The following CHCHD3 variants were observed in gnomAD, a reference collection of about 807,000 sequenced individuals.
CHCHD3 encodes the protein MICOS complex subunit MIC19.
A neutral mutation model predicts 38.2 loss-of-function variants in CHCHD3; 20 were observed. That is an observed-to-expected ratio of 0.52 (90% CI 0.37 to 0.76). CHCHD3 has a LOEUF of 0.76. CHCHD3 is among the 30% of genes least tolerant of loss of function. CHCHD3 has a pLI of 0.00. For synonymous variants in CHCHD3, 82 were observed against 100.0 expected (o/e 0.82, Z 1.07); for missense variants, 245 against 279.2 (o/e 0.88, Z 0.87).
chr7:132,963,917 T>C (rs1340032008), intron 4 of CHCHD3, among the ~76,000 whole-genome samples: 1 of 152,174 alleles, frequency 6.6e-6, no homozygotes, highest in East Asian at 1.9e-4. Flanking sequence ...GAAAAATACA[T>C]TAACAATTAT....
Position 133,035,581 on chromosome 7 carries a change from C to A in CHCHD3, c.170-10954G>T, listed in dbSNP as rs751702936. ...TGCATGATGCCCAAGGTGGGGAACA[C>A]CCAGGTACTGGCTGGGGGCACTATA... On this transcript the variant is annotated intron_variant, in intron 2 of 7. Coordinates refer to ENST00000262570, the MANE Select transcript of CHCHD3 (RefSeq NM_017812.4). This position sits in a 1 kb window ranked among gnomAD's most constrained non-coding sequence, Gnocchi z 4.7. The A allele has an allele frequency of 1.4e-5, 22 of 1,613,288 alleles. No individual in the cohort carries two copies. The highest frequency in any genetic ancestry group is 1.8e-5 in the Non-Finnish European group (21 of 1,179,444).
intron 3 of CHCHD3, among the ~76,000 whole-genome samples, chr7:133,002,756 C>A (rs1812606120): frequency 6.6e-6 from 1 of 151,908 alleles, no homozygotes; most frequent in Non-Finnish European, 1.5e-5. Context: ...TCTATAGAAC[C>A]CTTACTAAAA....
intron 6 of CHCHD3, among the ~76,000 whole-genome samples, chr7:132,832,169 T>C (rs1007104979): frequency 4.6e-5 from 7 of 152,236 alleles, no homozygotes; most frequent in African/African-American, 1.7e-4. Flanking sequence ...GTATGAGTTC[T>C]GCATAGTATT....
At chr7:132,811,975 C>T (rs894992988) in intron 6 of CHCHD3, among the ~76,000 whole-genome samples, 1 of 152,068 alleles carries the variant, frequency 6.6e-6, no homozygotes, top group Non-Finnish European at 1.5e-5. Context: ...TTGCTATTTA[C>T]GTGGAAGGCA....
intron 2 of CHCHD3, among the ~76,000 whole-genome samples, chr7:133,040,363 T>C (rs1370267628): frequency 6.6e-6 from 1 of 152,156 alleles, no homozygotes; most frequent in East Asian, 1.9e-4. Flanking sequence ...CAGAAGGGGC[T>C]AGCTGACCTT....
intron 4 of CHCHD3, among the ~76,000 whole-genome samples, chr7:132,935,537 ATATC>A (rs1488313045): frequency 6.6e-5 from 10 of 152,198 alleles, no homozygotes; most frequent in Non-Finnish European, 1.5e-4. Context: ...ATTTTTGTAA[ATATC>A]CATCTATACC....
At chr7:132,978,847 T>C (rs1007833941) in intron 3 of CHCHD3, among the ~76,000 whole-genome samples, 2 of 152,222 alleles carry the variant, frequency 1.3e-5, no homozygotes, top group African/African-American at 4.8e-5. Context: ...ATTATTTTCC[T>C]TTCTTAATAA....
intron 2 of CHCHD3, among the ~76,000 whole-genome samples, chr7:133,068,333 C>T (rs79812142): frequency 0.026 from 3,956 of 152,182 alleles, 176 homozygotes; most frequent in African/African-American, 0.09. Context: ...TGTGAACAAA[C>T]AAATGAGGAA....
chr7:132,985,573 G>A (rs1812087014), intron 3 of CHCHD3, among the ~76,000 whole-genome samples: 1 of 84,820 alleles, frequency 1.2e-5, no homozygotes, highest in Non-Finnish European at 2.4e-5. Context: ...CCCCCCTCCC[G>A]GCCAGCCGCC....
chr7:133,038,041 C>CATT (rs1813728386), intron 2 of CHCHD3, among the ~76,000 whole-genome samples: 1 of 152,118 alleles, frequency 6.6e-6, no homozygotes, highest in Non-Finnish European at 1.5e-5. Flanking sequence ...CAATCATGAA[C>CATT]ATTACATAGT....
At chr7:132,843,163 G>A (rs62467024) in intron 5 of CHCHD3, among the ~76,000 whole-genome samples, 33,083 of 152,024 alleles carry the variant, frequency 0.22, 3,853 homozygotes, top group South Asian at 0.26. Flanking sequence ...TCAGCCTCCC[G>A]AGTAGCTAGG....
intron 6 of CHCHD3, among the ~76,000 whole-genome samples, chr7:132,831,844 G>A (rs563258537): frequency 1.1e-4 from 16 of 152,146 alleles, no homozygotes; most frequent in African/African-American, 2.2e-4. Flanking sequence ...AGTCAAAACC[G>A]TATTTAATTA....
intron 5 of CHCHD3, among the ~76,000 whole-genome samples, chr7:132,863,114 G>A (rs1019847074): frequency 2.6e-5 from 4 of 152,096 alleles, no homozygotes; most frequent in African/African-American, 7.2e-5. Context: ...ACTCTTGCCC[G>A]GAAGGTTTTC....
At chr7:132,985,567 C>T (rs1467967552) in intron 3 of CHCHD3, among the ~76,000 whole-genome samples, 1 of 89,158 alleles carries the variant, frequency 1.1e-5, no homozygotes, top group Non-Finnish European at 2.4e-5. Flanking sequence ...GGTCAGCCCC[C>T]CTCCCGGCCA....
intron 7 of CHCHD3, among the ~76,000 whole-genome samples, chr7:132,790,715 T>C (rs758981805): frequency 2.6e-5 from 4 of 152,178 alleles, no homozygotes; most frequent in Non-Finnish European, 5.9e-5. Context: ...TTCTTGATTA[T>C]CTTCGTGCTC....
At chr7:132,854,032 C>T (rs1808284260) in intron 5 of CHCHD3, among the ~76,000 whole-genome samples, 1 of 152,128 alleles carries the variant, frequency 6.6e-6, no homozygotes, top group Non-Finnish European at 1.5e-5. Flanking sequence ...TTCACAGATG[C>T]ATTAAGTGTC....
intron 5 of CHCHD3, among the ~76,000 whole-genome samples, chr7:132,882,280 C>T (rs2117169286): frequency 6.6e-6 from 1 of 152,178 alleles, no homozygotes; most frequent in Middle Eastern, 3.4e-3. Flanking sequence ...CAAAAGCATA[C>T]CTTCTGACTC....
At chr7:132,997,729 T>C (rs1267534726) in intron 3 of CHCHD3, among the ~76,000 whole-genome samples, 1 of 142,600 alleles carries the variant, frequency 7.0e-6, no homozygotes, top group Non-Finnish European at 1.5e-5. Context: ...CCAGAACAAA[T>C]TTTGTCAGAG....
intron 5 of CHCHD3, among the ~76,000 whole-genome samples, chr7:132,877,936 C>T (rs921666102): frequency 6.6e-6 from 1 of 152,200 alleles, no homozygotes; most frequent in Non-Finnish European, 1.5e-5. Context: ...TACTCTGTCA[C>T]ATTGCAGGGC....
Sources: gnomAD v4.1 joint callset for allele counts (sites outside exome capture counted in the v4.1 genomes callset) on GRCh38, gnomAD v4.1.1 for gene constraint, Gnocchi (gnomAD v3.1) non-coding constraint, MANE v1.5 for transcripts, NCBI Gene and HGNC (gene_info 2026-07-23, HGNC 2026-07-21) for gene names.